Variants in TENM3 observed in about 807,000 individuals in gnomAD.
TENM3 encodes the protein teneurin transmembrane protein 3.
Under a neutral mutation model 255.1 loss-of-function variants are expected in TENM3, and 63 were observed. The ratio of observed to expected loss-of-function variants is 0.25; its 90% CI spans 0.20 to 0.30. The LOEUF is 0.30. TENM3 is among the 10% of genes least tolerant of loss of function. The pLI is 1.00. For synonymous variants in TENM3, 1,306 were observed against 1,322.3 expected (o/e 0.99, Z 0.27); for missense variants, 2,929 against 3,461.1 (o/e 0.85, Z 3.86).
chr4:181,857,176 G>T, the TENM3 span, among the ~76,000 whole-genome samples: 1 of 152,152 alleles, frequency 6.6e-6, no homozygotes, highest in Non-Finnish European at 1.5e-5. Flanking sequence ...GTGAGGGCAT[G>T]AGAGGCACTG....
At chr4:181,972,004 A>T in the TENM3 span, among the ~76,000 whole-genome samples, 1 of 140,176 alleles carries the variant, frequency 7.1e-6, no homozygotes, top group East Asian at 2.0e-4. Context: ...CAGGAAGATT[A>T]CTTAGCAAAC....
the TENM3 span, among the ~76,000 whole-genome samples, chr4:181,690,420 A>T: frequency 1.3e-5 from 2 of 152,188 alleles, no homozygotes; most frequent in East Asian, 3.9e-4. Flanking sequence ...CAAAGCAAAG[A>T]CCATTTGTTT....
the TENM3 span, among the ~76,000 whole-genome samples, chr4:181,631,980 GT>G: frequency 6.6e-6 from 1 of 152,174 alleles, no homozygotes; most frequent in Non-Finnish European, 1.5e-5. Context: ...AATGCCATGA[GT>G]TTTTTAGAGT....
the TENM3 span, among the ~76,000 whole-genome samples, chr4:182,080,617 G>A: frequency 6.6e-6 from 1 of 152,086 alleles, no homozygotes; most frequent in Non-Finnish European, 1.5e-5. Flanking sequence ...AACGTGCATG[G>A]AAGCCACACT....
the TENM3 span, among the ~76,000 whole-genome samples, chr4:181,888,582 A>G: frequency 2.4e-4 from 8 of 33,122 alleles, no homozygotes; most frequent in African/African-American, 9.3e-4. Flanking sequence ...ATATATACAT[A>G]TATATATGCG....
chr4:182,564,582 T>C (rs1234447834), intron 3 of TENM3, among the ~76,000 whole-genome samples: 1 of 39,960 alleles, frequency 2.5e-5, no homozygotes, highest in Non-Finnish European at 9.4e-5. Flanking sequence ...TTTTGTTTTG[T>C]TTTTTTTTTT....
At chr4:181,510,570 A>T in the TENM3 span, among the ~76,000 whole-genome samples, 298 of 148,982 alleles carry the variant, frequency 2.0e-3, 2 homozygotes, top group African/African-American at 6.4e-3. Context: ...CATTTTTTTT[A>T]AAAAAAGAAA....
chr4:182,661,865 G>C lies in TENM3; in HGVS notation c.1111+7972G>C, dbSNP rs1208734187. 3.9e-5 allele frequency among the ~76,000 whole-genome samples: 6 copies of C among 152,130 alleles called. No homozygotes were observed. In the East Asian group the frequency reaches 1.2e-3, roughly 29 times the overall value. ...GACTTTGACAGTGAATTTCTTTTCT[G>C]CCTTTCCGTTTCACTCATTATAGGC... On this transcript the variant is annotated intron_variant, in intron 6 of 27. Transcript: ENST00000511685.
chr4:181,764,272 G>A, the TENM3 span, among the ~76,000 whole-genome samples: 1 of 152,070 alleles, frequency 6.6e-6, no homozygotes, highest in Admixed American at 6.5e-5. Context: ...ATTTGTTGTT[G>A]CATGGTTGGC....
At chr4:181,672,211 C>T in the TENM3 span, among the ~76,000 whole-genome samples, 1 of 152,004 alleles carries the variant, frequency 6.6e-6, no homozygotes, top group Non-Finnish European at 1.5e-5. Flanking sequence ...AGATCTTTGC[C>T]CCTCTTTGAG....
rs58332965 is a variant in TENM3, at chr4:182,603,784, T to TATATATATATATAG, written c.749+2624_749+2625insTATATATATATAGA. Among the ~76,000 whole-genome samples the TATATATATATATAG allele has an allele frequency of 6.3e-4, 84 of 134,200 alleles. 2 individuals carry two copies. The highest frequency in any genetic ancestry group is 2.1e-3 in the South Asian group (8 of 3,860). The allele number at this position is 134,200 out of a possible 152,430, so 88.0% of individuals were successfully genotyped here. A position where few individuals can be genotyped will look rare whatever the true frequency, so the allele number is the denominator to read the frequency against. ...AATTATTTATATATATATATATATA[T>TATATATATATATAG]ACACACACACACCGATTTTGCTAAT... On this transcript the variant is annotated intron_variant, in intron 4 of 27. Coordinates refer to ENST00000511685, the MANE Select transcript of TENM3 (RefSeq NM_001080477.4).
chr4:181,579,316 T>A, the TENM3 span, among the ~76,000 whole-genome samples: 3 of 152,102 alleles, frequency 2.0e-5, no homozygotes, highest in Non-Finnish European at 4.4e-5. Context: ...CCACATCTAC[T>A]CTGACTCGTT....
At chr4:182,319,899 C>T (rs559432180) in intron 1 of TENM3, among the ~76,000 whole-genome samples, 18 of 152,266 alleles carry the variant, frequency 1.2e-4, no homozygotes, top group African/African-American at 3.6e-4. Context: ...GATCACCTGA[C>T]GTCAGGAGTT....
chr4:182,194,455 A>T (rs1034210762), intron 1 of TENM3, among the ~76,000 whole-genome samples: 4 of 152,292 alleles, frequency 2.6e-5, no homozygotes, highest in African/African-American at 9.6e-5. Context: ...AGAGAAAAAC[A>T]TCTTTTCACC....
chr4:181,870,057 T>G, the TENM3 span, among the ~76,000 whole-genome samples: 1 of 152,172 alleles, frequency 6.6e-6, no homozygotes, highest in Non-Finnish European at 1.5e-5. Flanking sequence ...CCCTTGACCT[T>G]CATTGAAAGG....
intron 2 of TENM3, among the ~76,000 whole-genome samples, chr4:182,330,393 G>C (rs1489262756): frequency 6.6e-6 from 1 of 152,214 alleles, no homozygotes; most frequent in Non-Finnish European, 1.5e-5. Flanking sequence ...TGCTCGTTCA[G>C]ATTCTTCTCT....
chr4:181,885,270 C>T, the TENM3 span, among the ~76,000 whole-genome samples: 1 of 152,164 alleles, frequency 6.6e-6, no homozygotes, highest in South Asian at 2.1e-4. Context: ...TTCAAGTTTG[C>T]TTGTTTGTTT....
intron 3 of TENM3, among the ~76,000 whole-genome samples, chr4:182,550,249 C>A (rs1333979492): frequency 6.6e-6 from 1 of 152,114 alleles, no homozygotes; most frequent in Non-Finnish European, 1.5e-5. Context: ...CGTTGATTTA[C>A]AAATTTAAAT....
intron 1 of TENM3, among the ~76,000 whole-genome samples, chr4:182,308,045 A>G (rs903029303): frequency 6.6e-6 from 1 of 152,238 alleles, no homozygotes; most frequent in Non-Finnish European, 1.5e-5. Flanking sequence ...GACTAGGTCC[A>G]TTTTAATCCT....
Sources: gnomAD v4.1 joint callset for allele counts (sites outside exome capture counted in the v4.1 genomes callset) on GRCh38, gnomAD v4.1.1 for gene constraint, MANE v1.5 for transcripts, NCBI Gene and HGNC (gene_info 2026-07-23, HGNC 2026-07-21) for gene names.